The following PRSS22 variants were observed in gnomAD, a reference collection of about 807,000 sequenced individuals.
PRSS22 encodes serine protease 22.
Under a neutral mutation model 28.0 loss-of-function variants are expected in PRSS22, and 26 were observed. The observed-to-expected ratio is 0.93, with a 90% CI of 0.68 to 1.29. The LOEUF is 1.29. PRSS22 is among the 50% of genes most tolerant of loss of function. The pLI, the probability that PRSS22 is intolerant of heterozygous loss-of-function variation, is 0.00. For missense variants in PRSS22, 444 were observed against 422.1 expected, an observed-to-expected ratio of 1.05 and a Z score of -0.46; for synonymous variants, 217 against 177.9, an observed-to-expected ratio of 1.22 and a Z score of -1.75.
chr16:2,855,097 C>T (rs1017902851), intron 4 of PRSS22, among the ~76,000 whole-genome samples: 2 of 151,976 alleles, frequency 1.3e-5, no homozygotes, highest in Non-Finnish European at 2.9e-5. Flanking sequence ...CCTGTAATCC[C>T]GGCACTTTGG....
rs1319102597 is a variant in PRSS22 at position 2,853,837 on chromosome 16, CA to C, written c.717+27del. On this transcript the variant is annotated intron_variant, in intron 5 of 5. Transcript: ENST00000161006. This position sits in a 1 kb window ranked among gnomAD's most constrained non-coding sequence, Gnocchi z 4.6. ...GGCTCCTTCCCGAGGCCCTCCTGGC[CA>C]GGGGTGGGGGGCTCGAGGGAGCTCA... The C allele has an allele frequency of 4.3e-6, 7 of 1,611,580 alleles. No homozygotes were observed. The highest frequency in any genetic ancestry group is 5.9e-6 in the Non-Finnish European group (7 of 1,179,308).
rs745321405 is a variant in PRSS22 at position 2,855,760 on chromosome 16, A to T, written c.373T>A (p.Trp125Arg). 1 of 1,614,136 alleles carries T rather than the reference A, an allele frequency of 6.2e-7. No individual in the cohort carries two copies. Among genetic ancestry groups the T allele is most frequent in the Non-Finnish European group, 8.5e-7 (1 of 1,180,016 alleles). The change falls in exon 4 of 6, where the codon TGG becomes AGG. Residue 125 changes from tryptophan to arginine, a missense_variant. Physicochemically the swap from Trp to Arg is moderately radical, Grantham distance 101. Transcript: ENST00000161006. Reference sequence around the variant, plus strand: ...GAATACACAGGGTGGGGCTCCACCCAGGCAACACCCACCTTCTGGGACCGA... The same window carrying T: ...GAATACACAGGGTGGGGCTCCACCCTGGCAACACCCACCTTCTGGGACCGA... ...GSRSQKVGVA[W>R]VEPHPVYSWK...
In PRSS22 at chr16:2,856,364, T is replaced by C. The variant is rs575770733; in HGVS notation, c.110-111A>G. On this transcript the variant is annotated intron_variant, in intron 2 of 5. Coordinates refer to ENST00000161006, the MANE Select transcript of PRSS22 (RefSeq NM_022119.4). ...TTGCCCACAGCCCAAGCTCCGTTCA[T>C]GTCCCCAAGCTCTACCCACATCCCA... 10 of 1,126,606 alleles carry C rather than the reference T, an allele frequency of 8.9e-6. No individual in the cohort carries two copies. In the Admixed American group the frequency reaches 1.3e-4, roughly 14 times the overall value. The allele number at this position is 1,126,606 out of a possible 1,614,324, so 69.8% of individuals were successfully genotyped here.
rs553826930 is a variant in PRSS22 at position 2,857,779 on chromosome 16, A to G, written c.82+244T>C. The G allele has an allele frequency of 8.9e-4, 331 of 371,636 alleles. 7 individuals are homozygous for G. The East Asian group carries it at 0.013, about 14-fold the overall frequency. 23.0% of individuals were successfully genotyped at this position (371,636 alleles called of 1,614,324 possible). A position where few individuals can be genotyped will look rare whatever the true frequency, so the allele number is the denominator to read the frequency against. On this transcript the variant is annotated intron_variant, in intron 1 of 5. Coordinates refer to ENST00000161006, the MANE Select transcript of PRSS22 (RefSeq NM_022119.4). ...GGAGAACACGGAGGCGAGAGGGAGCAGGCGATGGCGACGCCGACGGTAACT... is the reference window on the plus strand; with the variant it reads ...GGAGAACACGGAGGCGAGAGGGAGCGGGCGATGGCGACGCCGACGGTAACT...
Position 2,853,484 on chromosome 16 carries a change from C to A in PRSS22, c.718-155G>T, listed in dbSNP as rs955928077. ...CCTGAGCTCCACCCAGGTGAGAAGTCCCCGGCGGCAGAGTAGGAGCTGCAG... is the reference window on the plus strand; with the variant it reads ...CCTGAGCTCCACCCAGGTGAGAAGTACCCGGCGGCAGAGTAGGAGCTGCAG... On this transcript the variant is annotated intron_variant, in intron 5 of 5. Transcript: ENST00000161006. This position sits in a 1 kb window ranked among gnomAD's most constrained non-coding sequence, Gnocchi z 4.6. 1.3e-5 allele frequency among the ~76,000 whole-genome samples: 2 copies of A among 152,194 alleles called. No homozygotes were observed. Among genetic ancestry groups the A allele is most frequent in the Non-Finnish European group, 2.9e-5 (2 of 68,028 alleles).
chr16:2,857,040 CCT>C, intron 1 of PRSS22, 192 bp from the exon 2 acceptor site: 2 of 630,086 alleles, frequency 3.2e-6, no homozygotes, highest in Admixed American at 5.3e-5. Context: ...CCCAGCACCC[CCT>C]GAGGAGGGTC....
intron 1 of PRSS22, chr16:2,857,238 C>CCCCAGCGCCCAGTGAGCAGGCGT: frequency 5.1e-6 from 1 of 197,482 alleles, no homozygotes; most frequent in Non-Finnish European, 1.0e-5. Flanking sequence ...GAGGAGGGTT[C>CCCCAGCGCCCAGTGAGCAGGCGT]CCCAGCGCCC....
chr16:2,855,013 C>T (rs1220768834), intron 4 of PRSS22, among the ~76,000 whole-genome samples: 3 of 152,040 alleles, frequency 2.0e-5, no homozygotes, highest in African/African-American at 4.8e-5. Flanking sequence ...AATAGCTTCA[C>T]GGGTCTGGCT....
intron 1 of PRSS22, chr16:2,857,210 GGC>G: frequency 3.4e-6 from 1 of 293,042 alleles, no homozygotes; most frequent in African/African-American, 2.4e-5. Context: ...CAGTGAGGAG[GGC>G]TCCCCAGCGC....
In PRSS22 at chr16:2,858,157, G is replaced by A; in HGVS notation, c.-53C>T. On this transcript the variant is annotated 5_prime_UTR_variant, in exon 1 of 6. Transcript: ENST00000161006. ...AGGCTCGAGAGACCCAGGGCGATGC[G>A]GGTCAGGGTGTGTAGGTTCCCTGCA... 2.4e-6 allele frequency: 3 copies of A among 1,246,218 alleles called. No individual in the cohort carries two copies. Among genetic ancestry groups the A allele is most frequent in the Non-Finnish European group, 3.0e-6 (3 of 990,924 alleles). 77.2% of individuals were successfully genotyped at this position (1,246,218 alleles called of 1,614,324 possible).
Position 2,855,694 on chromosome 16 carries a change from G to T in PRSS22, c.439C>A (p.Leu147Ile). The part of the protein sequence containing the change: ...GACADIALVR[L>I]ERSIQFSERV... ...TCTGAGAACTGTATGGAGCGCTCGAGACGCACCAGGGCAATGTCTGCACAG... is the reference window on the plus strand; with the variant it reads ...TCTGAGAACTGTATGGAGCGCTCGATACGCACCAGGGCAATGTCTGCACAG... The change falls in exon 4 of 6, where the codon CTC (leucine) becomes ATC (isoleucine). Residue 147 changes from leucine to isoleucine, a missense_variant. By Grantham distance (5) the Leu-to-Ile change is conservative. Transcript: ENST00000161006. 5 of 1,614,250 alleles carry T rather than the reference G, an allele frequency of 3.1e-6. No homozygotes were observed. Among genetic ancestry groups the T allele is most frequent in the Non-Finnish European group, 4.2e-6 (5 of 1,180,058 alleles).
intron 2 of PRSS22, 57 bp downstream of exon 2, chr16:2,856,765 G>T: frequency 6.5e-7 from 1 of 1,544,606 alleles, no homozygotes; most frequent in Non-Finnish European, 8.8e-7. Context: ...CATAGACACT[G>T]CCTGCGCGTG....
chr16:2,853,909 T>C lies in PRSS22; in HGVS notation c.673A>G (p.Met225Val). Reference sequence around the variant, plus strand: ...CCCTCCAAGTAGCCGGCACACAGCATGTCCTCAGTGATGGGTCCCTGTCCT... The same window carrying C: ...CCCTCCAAGTAGCCGGCACACAGCACGTCCTCAGTGATGGGTCCCTGTCCT... ...GAGQGPITED[M>V]LCAGYLEGER... The change falls in exon 5 of 6, where the codon ATG becomes GTG. Residue 225 changes from methionine (M) to valine (V), a missense_variant. By Grantham distance (21) the Met-to-Val change is conservative (BLOSUM62 1). Coordinates refer to ENST00000161006, the MANE Select transcript of PRSS22 (RefSeq NM_022119.4). The surrounding 1 kb of genome is among the most constrained non-coding windows in gnomAD (Gnocchi z 4.6). 1 of 1,614,164 alleles carries C rather than the reference T, an allele frequency of 6.2e-7. No individual in the cohort carries two copies. Among genetic ancestry groups the C allele is most frequent in the Non-Finnish European group, 8.5e-7 (1 of 1,180,038 alleles).
intron 1 of PRSS22, chr16:2,857,280 A>AG: frequency 4.6e-6 from 1 of 217,396 alleles, no homozygotes. Flanking sequence ...CCCAGTGAGG[A>AG]GGGCTCCCCA....
rs1384697220 is a variant in PRSS22 at position 2,856,248 on chromosome 16, G to C, written c.115C>G (p.Pro39Ala). Reference protein sequence around the residue: ...ILNAARIPVPPACGKPQQLNR... With the variant: ...ILNAARIPVPAACGKPQQLNR... ...AGCTGCTGGGGCTTCCCACAGGCTGGGGGAACTGGAGGGTACGGTCAAGTT... is the reference window on the plus strand; with the variant it reads ...AGCTGCTGGGGCTTCCCACAGGCTGCGGGAACTGGAGGGTACGGTCAAGTT... The change falls in exon 3 of 6, where the codon CCA becomes GCA. Residue 39 changes from proline (P) to alanine (A), a missense_variant. Pro to Ala is a conservative substitution (Grantham distance 27). Coordinates refer to ENST00000161006, the MANE Select transcript of PRSS22 (RefSeq NM_022119.4). 3.7e-6 allele frequency: 6 copies of C among 1,613,240 alleles called. No individual in the cohort carries two copies. In the African/African-American group the frequency reaches 8.0e-5, roughly 22 times the overall value.
rs1404155009 is a variant in PRSS22 at position 2,853,524 on chromosome 16, G to A, written c.718-195C>T. The stretch of plus-strand genomic sequence containing the variant: ...AGGAGCTGCAGCCAGGCCTTAAGAC[G>A]TCCAGGCGCGGGTGCTGCCGCTGCA... On this transcript the variant is annotated intron_variant, in intron 5 of 5. Coordinates refer to ENST00000161006, the MANE Select transcript of PRSS22 (RefSeq NM_022119.4). This position sits in a 1 kb window ranked among gnomAD's most constrained non-coding sequence, Gnocchi z 4.6. Among the ~76,000 whole-genome samples the A allele has an allele frequency of 6.6e-6, 1 of 152,222 alleles. No individual in the cohort carries two copies. Among genetic ancestry groups the A allele is most frequent in the African/African-American group, 2.4e-5 (1 of 41,456 alleles).
chr16:2,854,892 C>A (rs981094114), intron 4 of PRSS22, among the ~76,000 whole-genome samples: 1 of 152,112 alleles, frequency 6.6e-6, no homozygotes, highest in Non-Finnish European at 1.5e-5. Flanking sequence ...TGGCATGCTA[C>A]CACCAGGGGG....
chr16:2,856,869 C>G, intron 1 of PRSS22, 21 bp from the exon 2 acceptor site: 1 of 1,551,616 alleles, frequency 6.4e-7, no homozygotes, highest in Non-Finnish European at 8.7e-7. Context: ...GAGAAGGAAA[C>G]GGTTAGGCCG....
Position 2,853,320 on chromosome 16 carries a change from C to G in PRSS22, c.727G>C (p.Gly243Arg), listed in dbSNP as rs775626303. ...TCCACCTGGCACATGAGGGGGCCCCCGGAGTCGCCCTGCAGAGAGGAGGCG... is the reference window on the plus strand; with the variant it reads ...TCCACCTGGCACATGAGGGGGCCCCGGGAGTCGCCCTGCAGAGAGGAGGCG... ...GERDACLGDSGGPLMCQVDGA... is the reference protein window; with the variant it reads ...GERDACLGDSRGPLMCQVDGA... The change falls in exon 6 of 6, where the codon GGG (glycine) becomes CGG (arginine). Residue 243 changes from glycine to arginine, a missense_variant. Physicochemically the swap from Gly to Arg is moderately radical, Grantham distance 125. Transcript: ENST00000161006. This position sits in a 1 kb window ranked among gnomAD's most constrained non-coding sequence, Gnocchi z 4.6. The G allele has an allele frequency of 7.5e-6, 12 of 1,595,910 alleles. No homozygotes were observed. The Admixed American group carries it at 2.0e-4, about 27-fold the overall frequency.
Sources: gnomAD v4.1 joint callset for allele counts (sites outside exome capture counted in the v4.1 genomes callset) on GRCh38, gnomAD v4.1.1 for gene constraint, Gnocchi (gnomAD v3.1) non-coding constraint, MANE v1.5 for transcripts, NCBI Gene and HGNC (gene_info 2026-07-23, HGNC 2026-07-21) for gene names.